ZFP64: variants seen among roughly 807,000 people sequenced by gnomAD.
The protein encoded by ZFP64 is zinc finger protein 64.
Under a neutral mutation model 51.6 loss-of-function variants are expected in ZFP64, and 14 were observed. That is an observed-to-expected ratio of 0.27 (90% CI 0.18 to 0.42). The LOEUF is 0.42. Among genes scored for constraint, ZFP64 ranks in the 10% least tolerant of loss-of-function variants. The pLI is 1.00. For missense variants in ZFP64, 754 were observed against 906.8 expected (o/e 0.83, Z 2.16); for synonymous variants, 375 against 361.4 (o/e 1.04, Z -0.43).
At chr20:52,110,311 C>CT in intron 5 of ZFP64, 1 of 455,220 alleles carries the variant, frequency 2.2e-6, no homozygotes, top group Non-Finnish European at 3.9e-6. Context: ...CTCCCCACCC[C>CT]TACCAAACCC....
chr20:52,154,100 G>T (rs994055506), intron 5 of ZFP64, among the ~76,000 whole-genome samples: 10 of 152,208 alleles, frequency 6.6e-5, no homozygotes, highest in Non-Finnish European at 1.5e-4. Context: ...CATCTGATTG[G>T]ATACCATATT....
Position 52,164,758 on chromosome 20 carries a change from C to CCA in ZFP64, c.449-2_449-1insTG, listed in dbSNP as rs779272062. The CCA allele has an allele frequency of 6.4e-7, 1 of 1,563,260 alleles. No homozygotes were observed. The highest frequency in any genetic ancestry group is 1.8e-5 in the Admixed American group (1 of 55,334). On this transcript the variant is annotated splice_acceptor_variant, in intron 3 of 5. Coordinates refer to ENST00000216923, the MANE Select transcript of ZFP64 (RefSeq NM_018197.3). LOFTEE classifies it high-confidence loss of function. Reference sequence around the variant, plus strand: ...CCATAAGCAGTCTTGAATTGGCAACCTAAAAAAAAAAAGGAAAGATTAATT... The same window carrying CCA: ...CCATAAGCAGTCTTGAATTGGCAACCCATAAAAAAAAAAAGGAAAGATTAATT...
intron 2 of ZFP64, among the ~76,000 whole-genome samples, chr20:52,180,805 A>T (rs1983560467): frequency 6.6e-6 from 1 of 152,180 alleles, no homozygotes; most frequent in Admixed American, 6.5e-5. Flanking sequence ...ATGGAAACAC[A>T]GTGTAAGTAA....
chr20:52,177,804 G>A lies in ZFP64; in HGVS notation c.286+9028C>T, dbSNP rs139418034. 3.5e-3 allele frequency among the ~76,000 whole-genome samples: 527 copies of A among 152,230 alleles called. 7 individuals are homozygous for A. The highest frequency in any genetic ancestry group is 0.012 in the African/African-American group (500 of 41,548). ...TCCCAACACTTTGGGAGGCTGAGGC[G>A]GGCAGATCACGAGGTCAGGAGTTGG... On this transcript the variant is annotated intron_variant, in intron 2 of 5. Coordinates refer to ENST00000216923, the MANE Select transcript of ZFP64 (RefSeq NM_018197.3).
At chr20:52,104,290 G>T (rs1425682097) in intron 5 of ZFP64, among the ~76,000 whole-genome samples, 1 of 152,220 alleles carries the variant, frequency 6.6e-6, no homozygotes, top group East Asian at 1.9e-4. Context: ...TGGCGAGCGA[G>T]AAAAGGTCCC....
intron 1 of ZFP64, among the ~76,000 whole-genome samples, chr20:52,188,855 A>G (rs928578486): frequency 1.3e-5 from 2 of 152,000 alleles, no homozygotes; most frequent in Admixed American, 1.3e-4. Flanking sequence ...ACACACCTGT[A>G]ATCCCAGCTA....
At chr20:52,156,842 A>G (rs897515287) in intron 5 of ZFP64, among the ~76,000 whole-genome samples, 4 of 152,234 alleles carry the variant, frequency 2.6e-5, no homozygotes, top group Non-Finnish European at 5.9e-5. Flanking sequence ...AATGTACATC[A>G]TGAGTTTTGG....
intron 2 of ZFP64, among the ~76,000 whole-genome samples, chr20:52,183,285 G>A (rs1983739954): frequency 6.6e-6 from 1 of 152,134 alleles, no homozygotes; most frequent in African/African-American, 2.4e-5. Flanking sequence ...AAGCATCCAC[G>A]AAGGCTCAGA....
chr20:52,175,451 A>T (rs1436246064), intron 2 of ZFP64, among the ~76,000 whole-genome samples: 3 of 152,084 alleles, frequency 2.0e-5, no homozygotes, highest in Non-Finnish European at 4.4e-5. Flanking sequence ...AGGTCTCTTG[A>T]TTTTTTTGTG....
chr20:52,153,380 C>A lies in ZFP64; in HGVS notation c.812G>T (p.Ser271Ile), dbSNP rs1379357581. ...CCGCATGTGCCTTTTCAAGTCCGAGCTGATTTTGAACTTGGCGCTACAGAG... is the reference window on the plus strand; with the variant it reads ...CCGCATGTGCCTTTTCAAGTCCGAGATGATTTTGAACTTGGCGCTACAGAG... ...CWLCSAKFKI[S>I]SDLKRHMRVH... is the part of the protein sequence containing the mutation. Residue 271 changes from serine to isoleucine, a missense_variant, in exon 6 of 6, where the codon AGC becomes ATC. By Grantham distance (142) the Ser-to-Ile change is moderately radical. Coordinates refer to ENST00000216923, the MANE Select transcript of ZFP64 (RefSeq NM_018197.3). This position sits in a 1 kb window ranked among gnomAD's most constrained non-coding sequence, Gnocchi z 5.1. The A allele has an allele frequency of 1.9e-6, 3 of 1,614,078 alleles. No individual in the cohort carries two copies. Among genetic ancestry groups the A allele is most frequent in the Non-Finnish European group, 1.7e-6 (2 of 1,180,038 alleles).
At chr20:52,104,602 G>A (rs746809256) in intron 5 of ZFP64, 12 of 437,054 alleles carry the variant, frequency 2.7e-5, no homozygotes, top group East Asian at 1.4e-4. Flanking sequence ...CTGACGCCCT[G>A]GGTCCCTGCG....
intron 5 of ZFP64, among the ~76,000 whole-genome samples, chr20:52,119,913 A>G (rs1362227488): frequency 6.6e-6 from 1 of 152,030 alleles, no homozygotes; most frequent in East Asian, 1.9e-4. Context: ...CAAAAAGAAT[A>G]TGATTAAATA....
chr20:52,174,031 C>G (rs1252431650), intron 2 of ZFP64, among the ~76,000 whole-genome samples: 1 of 152,128 alleles, frequency 6.6e-6, no homozygotes, highest in African/African-American at 2.4e-5. Flanking sequence ...TGACTATTCT[C>G]TCTTCTATTT....
intron 5 of ZFP64, chr20:52,110,738 A>G: frequency 1.9e-6 from 3 of 1,594,828 alleles, no homozygotes; most frequent in Non-Finnish European, 1.7e-6. Flanking sequence ...GCCCCAGTAC[A>G]TGGGACTGGG....
At chr20:52,180,422 T>C (rs1310665847) in intron 2 of ZFP64, among the ~76,000 whole-genome samples, 1 of 151,960 alleles carries the variant, frequency 6.6e-6, no homozygotes, top group African/African-American at 2.4e-5. Context: ...ACAATTGTGA[T>C]ACATGCTAGC....
At chr20:52,169,554 C>T (rs766525921) in intron 2 of ZFP64, among the ~76,000 whole-genome samples, 6 of 152,288 alleles carry the variant, frequency 3.9e-5, no homozygotes, top group Admixed American at 6.5e-5. Flanking sequence ...ACCCTCCTGC[C>T]ACTTTCTGCT....
chr20:52,152,803 A>C lies in ZFP64; in HGVS notation c.1389T>G (p.Phe463Leu), dbSNP rs1980962703. ...SKNSDVTVLQ[F>L]QIDPSKQPAT... ...CGGGCTGCTTGCTGGGGTCGATCTGAAACTGGAGAACGGTCACGTCCGAGT... is the reference window on the plus strand; with the variant it reads ...CGGGCTGCTTGCTGGGGTCGATCTGCAACTGGAGAACGGTCACGTCCGAGT... Residue 463 changes from phenylalanine (F) to leucine (L), a missense_variant, in exon 6 of 6, where the codon TTT (phenylalanine) becomes TTG (leucine). Around this residue, in one of 3 missense-constraint regions of ZFP64, gnomAD observed 428 missense variants for 472.4 expected, o/e 0.91. Transcript: ENST00000216923. 3.1e-6 allele frequency: 5 copies of C among 1,611,334 alleles called. No homozygotes were observed. In the East Asian group the frequency reaches 1.1e-4, roughly 36 times the overall value.
chr20:52,091,692 A>C lies in ZFP64; in HGVS notation c.977-3049T>G, dbSNP rs568835724. Among the ~76,000 whole-genome samples the C allele has an allele frequency of 4.6e-4, 70 of 151,930 alleles. 1 individual carries two copies. Among genetic ancestry groups the C allele is most frequent in the Non-Finnish European group, 8.7e-4 (59 of 67,944 alleles). On this transcript the variant is annotated intron_variant, in intron 7 of 8. Coordinates refer to the ZFP64 transcript ENST00000361387. ...AGAAACAGATAAGTTTCCTATTTCA[A>C]AACCTATGGCCGTGGCTGGGCGCGG...
Position 52,191,559 on chromosome 20 carries a change from G to T in ZFP64, c.46+32C>A. On this transcript the variant is annotated intron_variant, in intron 1 of 5. Coordinates refer to ENST00000216923, the MANE Select transcript of ZFP64 (RefSeq NM_018197.3). This position sits in a 1 kb window ranked among gnomAD's most constrained non-coding sequence, Gnocchi z 4.3. ...GGCCCCGGAGCGCGCACTGGGCCCC[G>T]GAGCGCGCACTGCTCCCGGAAAAGC... is the stretch of plus-strand genomic sequence containing the variant. The T allele has an allele frequency of 6.4e-7, 1 of 1,553,604 alleles. No homozygotes were observed.
Sources: allele counts gnomAD v4.1 joint callset (sites outside exome capture counted in the v4.1 genomes callset), GRCh38; gene constraint gnomAD v4.1.1; regional missense constraint gnomAD v4.1.1; non-coding constraint Gnocchi (gnomAD v3.1); transcripts MANE v1.5; gene names NCBI Gene and HGNC (gene_info 2026-07-23, HGNC 2026-07-21).